MAP2K4: variants seen among roughly 807,000 people sequenced by gnomAD.
The protein encoded by MAP2K4 is dual specificity mitogen-activated protein kinase kinase 4.
Under a neutral mutation model 48.5 loss-of-function variants are expected in MAP2K4, and 4 were observed. That is an observed-to-expected ratio of 0.08 (90% CI 0.04 to 0.19). MAP2K4 has a LOEUF of 0.19. Ranked by LOEUF, MAP2K4 falls within the 10% of genes least tolerant of loss-of-function variation. The pLI, the probability that MAP2K4 is intolerant of heterozygous loss-of-function variation, is 1.00. For missense variants in MAP2K4, 258 were observed against 493.3 expected (o/e 0.52, Z 4.52); for synonymous variants, 166 against 173.1 (o/e 0.96, Z 0.32).
At chr17:12,056,029 G>T (rs1970274482) in intron 2 of MAP2K4, among the ~76,000 whole-genome samples, 2 of 152,010 alleles carry the variant, frequency 1.3e-5, no homozygotes, top group Non-Finnish European at 2.9e-5. Context: ...CTTGAGGAAG[G>T]AAACTTAGTA....
intron 7 of MAP2K4, among the ~76,000 whole-genome samples, chr17:12,114,937 C>G (rs1384514391): frequency 6.6e-6 from 1 of 152,204 alleles, no homozygotes; most frequent in Non-Finnish European, 1.5e-5. Flanking sequence ...CTCTTGGCCT[C>G]TAATCTTTAC....
intron 1 of MAP2K4, among the ~76,000 whole-genome samples, chr17:12,034,157 A>G (rs952039691): frequency 2.0e-5 from 3 of 152,258 alleles, no homozygotes; most frequent in Non-Finnish European, 4.4e-5. Flanking sequence ...TATTGTAGAT[A>G]TAAAACAAGA....
intron 4 of MAP2K4, among the ~76,000 whole-genome samples, chr17:12,100,923 GT>G (rs1971916789): frequency 6.6e-6 from 1 of 151,928 alleles, no homozygotes; most frequent in African/African-American, 2.4e-5. Context: ...TTGTTATTCG[GT>G]TTTGGGAGGT....
chr17:12,079,466 G>A (rs969393930), intron 2 of MAP2K4, among the ~76,000 whole-genome samples: 1 of 151,976 alleles, frequency 6.6e-6, no homozygotes, highest in Non-Finnish European at 1.5e-5. Context: ...TATTCTCTTG[G>A]TTAGAGGTAA....
chr17:12,058,502 A>G (rs551473957), intron 2 of MAP2K4, among the ~76,000 whole-genome samples: 2 of 152,212 alleles, frequency 1.3e-5, no homozygotes, highest in South Asian at 2.1e-4. Context: ...CCTGCCTCCT[A>G]CCATGTGTTA....
intron 7 of MAP2K4, among the ~76,000 whole-genome samples, chr17:12,123,351 C>G (rs1312732741): frequency 6.6e-6 from 1 of 152,078 alleles, no homozygotes; most frequent in Non-Finnish European, 1.5e-5. Context: ...GAAAATATTT[C>G]TGTTTCATCT....
Position 12,141,746 on chromosome 17 carries a change from A to G in MAP2K4, c.*486A>G, listed in dbSNP as rs1973383957. 4 of 236,284 alleles carry G rather than the reference A, an allele frequency of 1.7e-5. No homozygotes were observed. The highest frequency in any genetic ancestry group is 3.3e-5 in the Non-Finnish European group (4 of 119,816). The allele number at this position is 236,284 out of a possible 1,614,324, so 14.6% of individuals were successfully genotyped here. ...GCCTTCTGGAGCTGGGAGACAAAGGAGGAATTTACTTTCTTCACCAAGTGC... is the reference window on the plus strand; with the variant it reads ...GCCTTCTGGAGCTGGGAGACAAAGGGGGAATTTACTTTCTTCACCAAGTGC... On this transcript the variant is annotated 3_prime_UTR_variant, in exon 11 of 11. Coordinates refer to ENST00000353533, the MANE Select transcript of MAP2K4 (RefSeq NM_003010.4).
At chr17:12,073,404 G>C (rs1046210101) in intron 2 of MAP2K4, among the ~76,000 whole-genome samples, 5 of 152,140 alleles carry the variant, frequency 3.3e-5, no homozygotes, top group Non-Finnish European at 7.3e-5. Flanking sequence ...TTATATTGCT[G>C]TTATCAGTCC....
chr17:12,071,615 G>C (rs992607448), intron 2 of MAP2K4, among the ~76,000 whole-genome samples: 6 of 152,126 alleles, frequency 3.9e-5, no homozygotes, highest in African/African-American at 1.4e-4. Context: ...AAATGAATTT[G>C]AAATTTTAAT....
chr17:12,026,229 A>G lies in MAP2K4; in HGVS notation c.115+5228A>G, dbSNP rs1969246385. Among the ~76,000 whole-genome samples, 2 of 152,236 alleles carry G rather than the reference A, an allele frequency of 1.3e-5. 1 individual carries two copies. The highest frequency in any genetic ancestry group is 2.9e-5 in the Non-Finnish European group (2 of 68,044). On this transcript the variant is annotated intron_variant, in intron 1 of 10. Coordinates refer to ENST00000353533, the MANE Select transcript of MAP2K4 (RefSeq NM_003010.4). ...TGCTGAAACTTGTTTAAGATGGGAT[A>G]TTAGTTAACCCTGTATTTTGAGTCG...
At chr17:12,073,036 A>G (rs1567645407) in intron 2 of MAP2K4, among the ~76,000 whole-genome samples, 1 of 152,222 alleles carries the variant, frequency 6.6e-6, no homozygotes, top group Non-Finnish European at 1.5e-5. Flanking sequence ...TATGAGTAGC[A>G]GTGTCCTGCT....
chr17:12,138,120 G>T (rs1973261492), intron 9 of MAP2K4, among the ~76,000 whole-genome samples: 1 of 152,078 alleles, frequency 6.6e-6, no homozygotes, highest in African/African-American at 2.4e-5. Context: ...TGGTCCTAAA[G>T]TTTTAGACTC....
At chr17:12,093,309 A>G (rs1373588350) in intron 3 of MAP2K4, among the ~76,000 whole-genome samples, 3 of 152,162 alleles carry the variant, frequency 2.0e-5, no homozygotes, top group Non-Finnish European at 2.9e-5. Context: ...GGAACTCTCT[A>G]CATTCTGATT....
At position 12,095,530 on chromosome 17, in the gene MAP2K4, C is replaced by T. The variant is rs199795747; in HGVS notation, c.394-45C>T. The T allele has an allele frequency of 2.2e-5, 35 of 1,609,934 alleles. 1 individual carries two copies. In the East Asian group the frequency reaches 6.9e-4, roughly 32 times the overall value. On this transcript the variant is annotated intron_variant, in intron 3 of 10. Transcript: ENST00000353533. ...GACTAAAAATTATTGGTGTTTTTGA[C>T]AAAATTATTGTGTTTTTTTGACATC...
chr17:12,055,250 G>T (rs1970248642), intron 2 of MAP2K4, among the ~76,000 whole-genome samples: 1 of 152,028 alleles, frequency 6.6e-6, no homozygotes, highest in African/African-American at 2.4e-5. Context: ...CTAGATTCCT[G>T]CAAGATTTCT....
intron 1 of MAP2K4, among the ~76,000 whole-genome samples, chr17:12,037,481 C>CT (rs1328794430): frequency 2.6e-5 from 4 of 152,130 alleles, no homozygotes; most frequent in African/African-American, 9.6e-5. Context: ...GGTTAAATTT[C>CT]TGATTCCTCG....
chr17:12,082,968 G>T (rs1173035373), intron 3 of MAP2K4, among the ~76,000 whole-genome samples: 1 of 152,232 alleles, frequency 6.6e-6, no homozygotes, highest in Non-Finnish European at 1.5e-5. Flanking sequence ...GATGAATGTT[G>T]TGTTGTCCCT....
At chr17:12,039,843 A>T (rs1377836238) in intron 1 of MAP2K4, among the ~76,000 whole-genome samples, 3 of 152,020 alleles carry the variant, frequency 2.0e-5, no homozygotes. Flanking sequence ...TTTTTTGTTT[A>T]AAAAATTGGT....
At chr17:12,125,145 A>G in intron 7 of MAP2K4, 149 bp from the exon 8 acceptor site, 3 of 620,624 alleles carry the variant, frequency 4.8e-6, no homozygotes, top group Non-Finnish European at 8.8e-6. Flanking sequence ...TATGATAATG[A>G]TGACTTCCTA....
Sources: allele counts gnomAD v4.1 joint callset (sites outside exome capture counted in the v4.1 genomes callset), GRCh38; gene constraint gnomAD v4.1.1; transcripts MANE v1.5; gene names NCBI Gene and HGNC (gene_info 2026-07-23, HGNC 2026-07-21).